The following GDAP1 variants were observed in gnomAD, a reference collection of about 807,000 sequenced individuals.
The protein encoded by GDAP1 is ganglioside induced differentiation associated protein 1, also known as ganglioside-induced differentiation-associated protein 1.
In GDAP1, 34 loss-of-function variants were observed where a neutral mutation model predicts 40.1. The observed-to-expected ratio is 0.85, with a 90% CI of 0.64 to 1.13. The LOEUF is 1.13. GDAP1 is among the 50% of genes most tolerant of loss of function. GDAP1 has a pLI of 0.00. For missense variants in GDAP1, 374 were observed against 433.7 expected (o/e 0.86, Z 1.22); for synonymous variants, 170 against 157.4 (o/e 1.08, Z -0.60).
chr8:74,431,899 C>T (rs1806031608), intron 2 of GDAP1, among the ~76,000 whole-genome samples: 1 of 152,110 alleles, frequency 6.6e-6, no homozygotes, highest in Non-Finnish European at 1.5e-5. Flanking sequence ...AATAATTTCA[C>T]CTTTCTGTTT....
intron 2 of GDAP1, among the ~76,000 whole-genome samples, chr8:74,413,062 T>G (rs111999283): frequency 4.7e-4 from 1 of 2,126 alleles, no homozygotes; most frequent in Non-Finnish European, 1.3e-3. Flanking sequence ...CGAGACTCTG[T>G]CTCAAAAAAA....
intron 2 of GDAP1, among the ~76,000 whole-genome samples, chr8:74,484,667 G>T (rs1298172256): frequency 1.3e-5 from 2 of 152,002 alleles, no homozygotes; most frequent in Non-Finnish European, 2.9e-5. Context: ...TACTGCTCCT[G>T]GGAACTGGCA....
intron 2 of GDAP1, among the ~76,000 whole-genome samples, chr8:74,407,131 A>C (rs1486419377): frequency 1.3e-5 from 2 of 150,242 alleles, no homozygotes; most frequent in South Asian, 2.1e-4. Flanking sequence ...CATGTATTCC[A>C]TTAATCAGAA....
chr8:74,398,641 G>A (rs200816792), intron 2 of GDAP1, among the ~76,000 whole-genome samples: 1 of 152,168 alleles, frequency 6.6e-6, no homozygotes, highest in Non-Finnish European at 1.5e-5. Flanking sequence ...TTCAAAGGGA[G>A]TGCTTCCAGT....
rs116364624 is a variant in GDAP1, at chr8:74,414,835, C to A, written c.165+63514C>A. 6.1e-3 allele frequency among the ~76,000 whole-genome samples: 913 copies of A among 149,920 alleles called. 96 individuals are homozygous for A. The highest frequency in any genetic ancestry group is 0.022 in the African/African-American group (852 of 39,314). ...CAAAGCCTATAGCTTCAAGAAACTC[C>A]ATGAACCCCAAGCAAGATAAACACA... On this transcript the variant is annotated intron_variant, in intron 2 of 2. Coordinates refer to the GDAP1 transcript ENST00000523640.
intron 2 of GDAP1, among the ~76,000 whole-genome samples, chr8:74,402,432 A>C (rs921884816): frequency 5.3e-5 from 8 of 150,186 alleles, no homozygotes; most frequent in Non-Finnish European, 1.0e-4. Context: ...GGTGTGAGTG[A>C]CCCGATTTTC....
At chr8:74,482,119 TG>T (rs112227784) in intron 2 of GDAP1, among the ~76,000 whole-genome samples, 19,408 of 70,342 alleles carry the variant, frequency 0.28, 3,527 homozygotes, top group African/African-American at 0.5. Context: ...GGTTTTTTTT[TG>T]GGGGGGGGGG....
chr8:74,419,798 CT>C (rs1563464351), intron 2 of GDAP1, among the ~76,000 whole-genome samples: 1 of 152,068 alleles, frequency 6.6e-6, no homozygotes, highest in Non-Finnish European at 1.5e-5. Context: ...AGCTTTTATA[CT>C]TAGGGCATTG....
At chr8:74,448,177 G>A (rs1347595761) in intron 2 of GDAP1, among the ~76,000 whole-genome samples, 1 of 152,066 alleles carries the variant, frequency 6.6e-6, no homozygotes, top group East Asian at 1.9e-4. Flanking sequence ...CCTTCCACAG[G>A]CAAGTACTAT....
chr8:74,472,375 G>C (rs1377071745), intron 2 of GDAP1, among the ~76,000 whole-genome samples: 1 of 152,150 alleles, frequency 6.6e-6, no homozygotes, highest in East Asian at 1.9e-4. Context: ...CTTTGCTATT[G>C]TGAATAGTGC....
chr8:74,356,394 A>G (rs1382982297), intron 2 of GDAP1, among the ~76,000 whole-genome samples: 1 of 152,206 alleles, frequency 6.6e-6, no homozygotes, highest in Non-Finnish European at 1.5e-5. Context: ...TAAAAGTCTT[A>G]ACTGTAATAC....
intron 2 of GDAP1, among the ~76,000 whole-genome samples, chr8:74,385,320 G>A (rs1039686006): frequency 9.2e-5 from 14 of 151,886 alleles, no homozygotes; most frequent in Admixed American, 5.3e-4. Flanking sequence ...AATGCTATCC[G>A]TCCCCTAACC....
intron 2 of GDAP1, among the ~76,000 whole-genome samples, chr8:74,386,853 A>G (rs1042919606): frequency 6.6e-6 from 1 of 152,060 alleles, no homozygotes; most frequent in Admixed American, 6.6e-5. Context: ...GTCCTCTCTT[A>G]TTTCCCTGAG....
chr8:74,355,273 ATTCT>A (rs939520061), intron 2 of GDAP1, among the ~76,000 whole-genome samples: 4 of 152,286 alleles, frequency 2.6e-5, no homozygotes, highest in Non-Finnish European at 5.9e-5. Flanking sequence ...CTCTTCATTT[ATTCT>A]TTAAGTAACC....
chr8:74,445,203 C>T (rs900855630), intron 2 of GDAP1, among the ~76,000 whole-genome samples: 1 of 152,164 alleles, frequency 6.6e-6, no homozygotes, highest in Non-Finnish European at 1.5e-5. Flanking sequence ...TATCATGCTT[C>T]ATTCTGTTTC....
chr8:74,358,724 C>T (rs989090478), intron 2 of GDAP1, among the ~76,000 whole-genome samples: 1 of 152,056 alleles, frequency 6.6e-6, no homozygotes, highest in African/African-American at 2.4e-5. Context: ...TTTAGGAAAA[C>T]CCAGGGATCC....
At chr8:74,437,045 C>T (rs1806101685) in intron 2 of GDAP1, among the ~76,000 whole-genome samples, 1 of 152,124 alleles carries the variant, frequency 6.6e-6, no homozygotes, top group Admixed American at 6.5e-5. Flanking sequence ...ACTTATAGGA[C>T]ACTTAACACA....
chr8:74,357,732 CT>C (rs1215872265), intron 2 of GDAP1, among the ~76,000 whole-genome samples: 1 of 152,190 alleles, frequency 6.6e-6, no homozygotes, highest in Admixed American at 6.5e-5. Context: ...GGGACCTCCT[CT>C]CATTGCCTGC....
At chr8:74,385,209 G>A (rs1425477266) in intron 2 of GDAP1, among the ~76,000 whole-genome samples, 4 of 151,970 alleles carry the variant, frequency 2.6e-5, no homozygotes, top group South Asian at 4.2e-4. Flanking sequence ...TTAAGTTCTG[G>A]GATACATGTG....
Sources: allele counts gnomAD v4.1 joint callset (sites outside exome capture counted in the v4.1 genomes callset), GRCh38; gene constraint gnomAD v4.1.1; transcripts MANE v1.5; gene names NCBI Gene and HGNC (gene_info 2026-07-23, HGNC 2026-07-21).